ALDH7A1: variants seen among roughly 807,000 people sequenced by gnomAD.
ALDH7A1 encodes the protein alpha-aminoadipic semialdehyde dehydrogenase.
A neutral mutation model predicts 79.9 loss-of-function variants in ALDH7A1; 63 were observed. The observed-to-expected ratio is 0.79, with a 90% CI of 0.64 to 0.97. The LOEUF (loss-of-function observed/expected upper bound fraction) is 0.97. Among genes scored for constraint, ALDH7A1 ranks in the 50% least tolerant of loss-of-function variants. The pLI, the probability that ALDH7A1 is intolerant of heterozygous loss-of-function variation, is 0.00. For missense variants in ALDH7A1, 627 were observed against 665.2 expected, an observed-to-expected ratio of 0.94 and a Z score of 0.63; for synonymous variants, 240 against 231.2, an observed-to-expected ratio of 1.04 and a Z score of -0.34.
Position 126,550,300 on chromosome 5 carries a change from G to A in ALDH7A1, c.1318-7C>T, listed in dbSNP as rs1554098186. On this transcript the variant is annotated splice_polypyrimidine_tract_variant and splice_region_variant and intron_variant, in intron 14 of 17. Coordinates refer to ENST00000409134, the MANE Select transcript of ALDH7A1 (RefSeq NM_001182.5). Reference sequence around the variant, plus strand: ...CAAAGACCTCTTCTTCATTCTAAAAGGAGAGACATTGGAAGCTGTAAGATG... The same window carrying A: ...CAAAGACCTCTTCTTCATTCTAAAAAGAGAGACATTGGAAGCTGTAAGATG... 2.5e-6 allele frequency: 4 copies of A among 1,598,376 alleles called. No homozygotes were observed. The South Asian group carries it at 3.3e-5, about 13-fold the overall frequency.
At chr5:126,555,897 A>G (rs1750177722) in intron 12 of ALDH7A1, 34 bp downstream of exon 12, 3 of 1,515,800 alleles carry the variant, frequency 2.0e-6, no homozygotes. Flanking sequence ...GCTCTCAAAA[A>G]GGGATCGCTT....
chr5:126,587,542 A>T (rs1489723408), intron 3 of ALDH7A1: 1 of 151,896 alleles, frequency 6.6e-6, no homozygotes, highest in Non-Finnish European at 1.5e-5. Context: ...GAGGTAGGAG[A>T]ATCGCTTGAA....
rs1363769641 is a variant in ALDH7A1 at position 126,542,067 on chromosome 5, A to C, written c.*2898T>G. 6.7e-6 allele frequency: 1 copy of C among 148,306 alleles called. No individual in the cohort carries two copies. The highest frequency in any genetic ancestry group is 1.5e-5 in the Non-Finnish European group (1 of 67,348). The allele number at this position is 148,306 out of a possible 1,614,324, so 9.2% of individuals were successfully genotyped here. A position where few individuals can be genotyped will look rare whatever the true frequency, so the allele number is the denominator to read the frequency against. ...TAAAGTTCTTCCCCTTGGATAGGAG[A>C]GGTTTCGTTTGGTTTTCTTTTAATT... On this transcript the variant is annotated 3_prime_UTR_variant, in exon 18 of 18. Transcript: ENST00000409134.
At chr5:126,554,877 G>A (rs939510380) in intron 12 of ALDH7A1, 1 of 228,796 alleles carries the variant, frequency 4.4e-6, no homozygotes, top group Non-Finnish European at 8.7e-6. Context: ...CGGCTGCTGG[G>A]GACTAGAGCA....
chr5:126,555,886 A>T, intron 12 of ALDH7A1, 45 bp downstream of exon 12: 1 of 1,445,532 alleles, frequency 6.9e-7, no homozygotes, highest in African/African-American at 1.4e-5. Context: ...TGTTAACAAC[A>T]GCTCTCAAAA....
intron 9 of ALDH7A1, chr5:126,564,541 G>A: frequency 1.6e-6 from 2 of 1,248,178 alleles, no homozygotes; most frequent in South Asian, 4.1e-5. Context: ...ATTCATTTGT[G>A]ATATCAGGAG....
intron 5 of ALDH7A1, chr5:126,581,702 G>C (rs62391534): frequency 0.033 from 5,295 of 158,296 alleles, 114 homozygotes; most frequent in Non-Finnish European, 0.048. Flanking sequence ...GTTTGCGGCC[G>C]GGCACAGTGG....
chr5:126,558,166 CAAAAAAAAAAAAA>C (rs35559498), intron 11 of ALDH7A1, among the ~76,000 whole-genome samples: 2 of 75,428 alleles, frequency 2.7e-5, no homozygotes, highest in African/African-American at 5.5e-5. Flanking sequence ...GACTCCAACT[CAAAAAAAAAAAAA>C]AAAAAAAAAA....
rs1478441226 is a variant in ALDH7A1, at chr5:126,570,756, A to G, written c.773+26T>C. On this transcript the variant is annotated intron_variant, in intron 8 of 17. Transcript: ENST00000409134. ...TGGTCAACCTGGGGTCCTTCAACAG[A>G]GGATGCTCTCAGCCTAGTAACCTAC... The G allele has an allele frequency of 1.9e-6, 3 of 1,611,836 alleles. No individual in the cohort carries two copies. In the South Asian group the frequency reaches 3.3e-5, roughly 18 times the overall value.
At chr5:126,582,350 C>A (rs1364167120) in intron 5 of ALDH7A1, among the ~76,000 whole-genome samples, 1 of 152,108 alleles carries the variant, frequency 6.6e-6, no homozygotes, top group East Asian at 1.9e-4. Context: ...TAAAATCCTC[C>A]CGTAAAAGTG....
chr5:126,556,131 C>A, intron 11 of ALDH7A1, 116 bp from the exon 12 acceptor site: 1 of 531,972 alleles, frequency 1.9e-6, no homozygotes, highest in Non-Finnish European at 3.2e-6. Flanking sequence ...ATAAGAAAAT[C>A]AAAGCATGTT....
At chr5:126,560,026 G>T (rs981958654) in intron 10 of ALDH7A1, among the ~76,000 whole-genome samples, 15 of 151,796 alleles carry the variant, frequency 9.9e-5, no homozygotes, top group African/African-American at 3.6e-4. Flanking sequence ...TGACCTCCTG[G>T]GCTCAAGCAA....
rs758324700 is a variant in ALDH7A1, at chr5:126,575,449, G to C, written c.666C>G (p.Thr222=). The C allele has an allele frequency of 6.2e-7, 1 of 1,612,880 alleles. No homozygotes were observed. The highest frequency in any genetic ancestry group is 8.5e-7 in the Non-Finnish European group (1 of 1,179,596). Residue 222 remains threonine (T), a synonymous_variant, in exon 7 of 18, where the codon ACC becomes ACG. Coordinates refer to ENST00000409134, the MANE Select transcript of ALDH7A1 (RefSeq NM_001182.5). The part of the protein sequence containing the change: ...GNVCLWKGAP[T]TSLISVAVTK... ...TGACAGCCACACTAATGAGGGAAGT[G>C]GTTGGAGCTCCTTTCCTTAAGAAGG...
chr5:126,552,155 A>C lies in ALDH7A1; in HGVS notation c.1201-18T>G, dbSNP rs1165079251. Reference sequence around the variant, plus strand: ...TCCATAACCTAATGCAGAGAAATGAAATAAAAAGAATGAAAGCATTTTGTT... The same window carrying C: ...TCCATAACCTAATGCAGAGAAATGACATAAAAAGAATGAAAGCATTTTGTT... On this transcript the variant is annotated intron_variant, in intron 13 of 17. Transcript: ENST00000409134. 2 of 1,596,642 alleles carry C rather than the reference A, an allele frequency of 1.3e-6. No individual in the cohort carries two copies.
At chr5:126,572,956 C>A (rs534200279) in intron 7 of ALDH7A1, among the ~76,000 whole-genome samples, 1 of 152,168 alleles carries the variant, frequency 6.6e-6, no homozygotes, top group Non-Finnish European at 1.5e-5. Context: ...ACGAAGACCT[C>A]TTTGTAGCAC....
intron 11 of ALDH7A1, 65 bp downstream of exon 11, chr5:126,559,175 A>G (rs895066566): frequency 1.6e-4 from 218 of 1,378,624 alleles, no homozygotes; most frequent in Non-Finnish European, 2.1e-4. Context: ...CCTCTCTAAC[A>G]GCAGAACTCA....
At chr5:126,545,121 A>G in intron 17 of ALDH7A1, 102 bp from the exon 18 acceptor site, 1 of 861,456 alleles carries the variant, frequency 1.2e-6, no homozygotes, top group South Asian at 1.5e-5. Flanking sequence ...TAACAAGGCA[A>G]GATCTCCAAG....
At chr5:126,546,944 T>C (rs991122387) in intron 16 of ALDH7A1, among the ~76,000 whole-genome samples, 7 of 152,250 alleles carry the variant, frequency 4.6e-5, no homozygotes, top group Admixed American at 4.6e-4. Flanking sequence ...CTCCATTAAA[T>C]GGGTTCCAGA....
At chr5:126,545,379 A>G (rs1365492486) in intron 17 of ALDH7A1, among the ~76,000 whole-genome samples, 2 of 151,872 alleles carry the variant, frequency 1.3e-5, no homozygotes, top group Non-Finnish European at 2.9e-5. Flanking sequence ...GGCTCAAGCG[A>G]TTCTCCTGCC....
Sources: gnomAD v4.1 joint callset for allele counts (sites outside exome capture counted in the v4.1 genomes callset) on GRCh38, gnomAD v4.1.1 for gene constraint, MANE v1.5 for transcripts, NCBI Gene and HGNC (gene_info 2026-07-23, HGNC 2026-07-21) for gene names.